Variants in NRG3 observed in about 807,000 individuals in gnomAD.
NRG3 encodes pro-neuregulin-3, membrane-bound isoform.
A neutral mutation model predicts 66.9 loss-of-function variants in NRG3; 31 were observed. The observed-to-expected ratio is 0.46, with a 90% CI of 0.35 to 0.63. NRG3 has a LOEUF of 0.63. NRG3 is among the 20% of genes least tolerant of loss of function. NRG3 has a pLI of 0.00. For missense variants in NRG3, 910 were observed against 878.9 expected (o/e 1.04, Z -0.45); for synonymous variants, 393 against 359.4 (o/e 1.09, Z -1.06).
At chr10:82,425,537 A>C (rs1485691163) in intron 2 of NRG3, among the ~76,000 whole-genome samples, 1 of 152,112 alleles carries the variant, frequency 6.6e-6, no homozygotes, top group Admixed American at 6.6e-5. Flanking sequence ...TGCTAATTCC[A>C]AAATGTGTAT....
chr10:82,118,265 T>A (rs144479351), intron 1 of NRG3, among the ~76,000 whole-genome samples: 4,748 of 151,196 alleles, frequency 0.031, 104 homozygotes, highest in Non-Finnish European at 0.045. Flanking sequence ...GGAGCACATA[T>A]AATTTTAGGC....
chr10:82,406,766 G>T (rs2087551566), intron 2 of NRG3, among the ~76,000 whole-genome samples: 2 of 152,054 alleles, frequency 1.3e-5, no homozygotes, highest in South Asian at 2.1e-4. Flanking sequence ...AATCCCATGA[G>T]CTTGGGAGCT....
chr10:82,435,466 A>C (rs899589990), intron 2 of NRG3, among the ~76,000 whole-genome samples: 1 of 151,634 alleles, frequency 6.6e-6, no homozygotes, highest in African/African-American at 2.4e-5. Context: ...CTCTGATCTT[A>C]GTTATTCCTT....
In NRG3 at chr10:82,098,323, C is replaced by CTATA. The variant is rs547009870; in HGVS notation, c.823+222166_823+222169dup. ...TCATATATATAGATATAGATGTCAT[C>CTATA]TATATATATGACATATATATAGATG... On this transcript the variant is annotated intron_variant, in intron 1 of 8. Coordinates refer to ENST00000372141, the MANE Select transcript of NRG3 (RefSeq NM_001010848.4). Among the ~76,000 whole-genome samples, 507 of 149,660 alleles carry CTATA rather than the reference C, an allele frequency of 3.4e-3. 5 individuals are homozygous for CTATA. Among genetic ancestry groups the CTATA allele is most frequent in the Non-Finnish European group, 5.0e-3 (337 of 67,784 alleles).
chr10:82,470,097 C>G (rs1167182545), intron 2 of NRG3, among the ~76,000 whole-genome samples: 1 of 152,178 alleles, frequency 6.6e-6, no homozygotes, highest in South Asian at 2.1e-4. Context: ...TCTTTATAAC[C>G]TGTTTCTGAG....
chr10:82,341,609 A>C (rs575358007), intron 1 of NRG3, among the ~76,000 whole-genome samples: 1 of 152,134 alleles, frequency 6.6e-6, no homozygotes, highest in African/African-American at 2.4e-5. Flanking sequence ...TATCTGTTTT[A>C]TTTTTATAGA....
At chr10:82,228,614 G>T (rs999057258) in intron 1 of NRG3, among the ~76,000 whole-genome samples, 1 of 152,070 alleles carries the variant, frequency 6.6e-6, no homozygotes, top group Non-Finnish European at 1.5e-5. Context: ...TTGTAGATAT[G>T]AAATATATTT....
At chr10:82,275,331 G>A (rs2078791374) in intron 1 of NRG3, among the ~76,000 whole-genome samples, 1 of 151,900 alleles carries the variant, frequency 6.6e-6, no homozygotes, top group Admixed American at 6.6e-5. Flanking sequence ...GTTTACCTTG[G>A]ACAGTATCTC....
At chr10:82,972,571 A>G (rs1164021034) in intron 6 of NRG3, among the ~76,000 whole-genome samples, 2 of 152,182 alleles carry the variant, frequency 1.3e-5, no homozygotes, top group East Asian at 1.9e-4. Flanking sequence ...TAAGACTACA[A>G]GCAGCCACTA....
chr10:82,292,645 G>T (rs937353082), intron 1 of NRG3, among the ~76,000 whole-genome samples: 7 of 152,130 alleles, frequency 4.6e-5, no homozygotes, highest in Non-Finnish European at 8.8e-5. Flanking sequence ...CATGTATATT[G>T]TAGAATACTA....
chr10:82,299,962 C>T (rs1198172058), intron 1 of NRG3, among the ~76,000 whole-genome samples: 2 of 152,120 alleles, frequency 1.3e-5, no homozygotes, highest in East Asian at 3.9e-4. Flanking sequence ...AAAGTGTAAA[C>T]TGTAAACCAG....
At chr10:82,881,947 G>GT (rs898422918) in intron 4 of NRG3, among the ~76,000 whole-genome samples, 2 of 152,078 alleles carry the variant, frequency 1.3e-5, no homozygotes, top group Admixed American at 1.3e-4. Context: ...AGTCTTCCTC[G>GT]TTTTTGCCCC....
At chr10:82,192,165 C>G (rs553118451) in intron 1 of NRG3, among the ~76,000 whole-genome samples, 1 of 152,152 alleles carries the variant, frequency 6.6e-6, no homozygotes, top group East Asian at 1.9e-4. Flanking sequence ...GTCAGTAACT[C>G]AGTGCAACCC....
chr10:82,260,342 A>T (rs2077959659), intron 1 of NRG3, among the ~76,000 whole-genome samples: 1 of 152,242 alleles, frequency 6.6e-6, no homozygotes, highest in African/African-American at 2.4e-5. Flanking sequence ...GCAGCATTAT[A>T]GGAGTAGAGT....
intron 1 of NRG3, among the ~76,000 whole-genome samples, chr10:82,236,164 A>G (rs1360890368): frequency 1.3e-5 from 2 of 152,212 alleles, no homozygotes; most frequent in African/African-American, 4.8e-5. Flanking sequence ...ACTTTGAACA[A>G]GATACAAAAG....
At chr10:82,126,553 C>A (rs1312826154) in intron 1 of NRG3, among the ~76,000 whole-genome samples, 1 of 152,118 alleles carries the variant, frequency 6.6e-6, no homozygotes, top group African/African-American at 2.4e-5. Context: ...ATTATCACTT[C>A]ATTCTGACTG....
chr10:81,917,107 A>T (rs565602783), intron 1 of NRG3, among the ~76,000 whole-genome samples: 4 of 152,338 alleles, frequency 2.6e-5, no homozygotes, highest in Admixed American at 6.5e-5. Context: ...AGATTAAAAC[A>T]TGTATCTGTA....
chr10:81,943,104 AT>A (rs1237642108), intron 1 of NRG3, among the ~76,000 whole-genome samples: 1 of 152,096 alleles, frequency 6.6e-6, no homozygotes, highest in East Asian at 1.9e-4. Context: ...AGTTGCATTA[AT>A]TGCTGGGCAT....
chr10:81,983,534 G>A (rs900256995), intron 1 of NRG3, among the ~76,000 whole-genome samples: 7 of 152,288 alleles, frequency 4.6e-5, no homozygotes, highest in African/African-American at 1.7e-4. Context: ...TTTAAAGGAT[G>A]AATGTTGATA....
Sources: allele counts gnomAD v4.1 joint callset (sites outside exome capture counted in the v4.1 genomes callset), GRCh38; gene constraint gnomAD v4.1.1; transcripts MANE v1.5; gene names NCBI Gene and HGNC (gene_info 2026-07-23, HGNC 2026-07-21).